GRID1: variants seen among roughly 807,000 people sequenced by gnomAD.
The protein encoded by GRID1 is glutamate receptor ionotropic, delta-1.
In GRID1, 28 loss-of-function variants were observed where a neutral mutation model predicts 98.0. The ratio of observed to expected loss-of-function variants is 0.29; its 90% CI spans 0.21 to 0.39. The LOEUF (loss-of-function observed/expected upper bound fraction) is 0.39, where lower values mean the gene tolerates loss of function less well. Among genes scored for constraint, GRID1 ranks in the 10% least tolerant of loss-of-function variants. The pLI, the probability that GRID1 is intolerant of heterozygous loss-of-function variation, is 1.00. For missense variants in GRID1, 1,111 were observed against 1,340.5 expected (o/e 0.83, Z 2.67); for synonymous variants, 553 against 538.5 (o/e 1.03, Z -0.37).
chr10:85,858,086 A>C (rs757176757), intron 6 of GRID1, among the ~76,000 whole-genome samples: 4 of 152,190 alleles, frequency 2.6e-5, no homozygotes, highest in Non-Finnish European at 5.9e-5. Context: ...GGCAGAGCTG[A>C]CTGCCTCCCC....
intron 13 of GRID1, among the ~76,000 whole-genome samples, chr10:85,641,935 T>A (rs1278253864): frequency 5.9e-5 from 9 of 152,204 alleles, no homozygotes; most frequent in African/African-American, 2.2e-4. Flanking sequence ...GGTGCAGAGC[T>A]GCAGCAGGAG....
intron 2 of GRID1, among the ~76,000 whole-genome samples, chr10:86,248,923 G>A (rs915054690): frequency 1.3e-5 from 2 of 152,142 alleles, no homozygotes; most frequent in South Asian, 2.1e-4. Flanking sequence ...AAGCAAATCA[G>A]CTCACAACAC....
intron 3 of GRID1, among the ~76,000 whole-genome samples, chr10:86,153,099 C>A (rs1039108341): frequency 6.6e-6 from 1 of 152,184 alleles, no homozygotes; most frequent in African/African-American, 2.4e-5. Context: ...CTCACTCTGC[C>A]TGAGCTCCAG....
chr10:85,963,425 C>A (rs2131850386), intron 4 of GRID1, among the ~76,000 whole-genome samples: 1 of 152,300 alleles, frequency 6.6e-6, no homozygotes, highest in Non-Finnish European at 1.5e-5. Flanking sequence ...CTCCAATGCA[C>A]TCGCCACACA....
At chr10:85,894,994 G>T (rs1244485033) in intron 5 of GRID1, among the ~76,000 whole-genome samples, 1 of 102,026 alleles carries the variant, frequency 9.8e-6, no homozygotes, top group Admixed American at 1.2e-4. Context: ...CAACAAACTG[G>T]GACTCTCAAA....
intron 4 of GRID1, among the ~76,000 whole-genome samples, chr10:86,057,483 T>C (rs539314468): frequency 1.3e-5 from 2 of 152,214 alleles, no homozygotes. Flanking sequence ...TGTTCTTAAA[T>C]AAAGATGATA....
chr10:85,857,272 C>T (rs1843120963), intron 6 of GRID1, among the ~76,000 whole-genome samples: 1 of 152,154 alleles, frequency 6.6e-6, no homozygotes, highest in Non-Finnish European at 1.5e-5. Flanking sequence ...CTCTGGAGGG[C>T]AAGGCCATGA....
chr10:85,905,920 T>C (rs1841454393), intron 5 of GRID1, among the ~76,000 whole-genome samples: 1 of 152,136 alleles, frequency 6.6e-6, no homozygotes, highest in Non-Finnish European at 1.5e-5. Flanking sequence ...TTACATTCAG[T>C]ATAAATTATC....
chr10:86,123,748 CA>C (rs368947434), intron 4 of GRID1, among the ~76,000 whole-genome samples: 261 of 152,360 alleles, frequency 1.7e-3, no homozygotes, highest in African/African-American at 5.8e-3. Context: ...AGCCCTTCCA[CA>C]AGGAGAGTCC....
intron 5 of GRID1, among the ~76,000 whole-genome samples, chr10:85,887,035 TCAGTAATCTAAGTTGATGA>T (rs1174347884): frequency 6.6e-6 from 1 of 152,218 alleles, no homozygotes; most frequent in East Asian, 1.9e-4. Context: ...AACCATGGTG[TCAGTAATCTAAGTTGATGA>T]CAGTAGAGAA....
At chr10:85,644,177 A>T (rs2132548962) in intron 13 of GRID1, 1 of 152,306 alleles carries the variant, frequency 6.6e-6, no homozygotes, top group Non-Finnish European at 1.5e-5. Flanking sequence ...ACGCATTTGG[A>T]AGAGTAGGGA....
intron 4 of GRID1, among the ~76,000 whole-genome samples, chr10:85,993,133 C>T (rs761641179): frequency 1.7e-4 from 26 of 152,120 alleles, no homozygotes; most frequent in Non-Finnish European, 3.5e-4. Context: ...AGAGGACAAC[C>T]GGTTTGAGTT....
chr10:86,209,609 G>A (rs551363410), intron 2 of GRID1, among the ~76,000 whole-genome samples: 2 of 152,186 alleles, frequency 1.3e-5, no homozygotes, highest in Admixed American at 6.5e-5. Context: ...ATGACAATAC[G>A]TGGATATTTT....
At chr10:85,733,198 A>G (rs1410005229) in intron 8 of GRID1, among the ~76,000 whole-genome samples, 2 of 152,220 alleles carry the variant, frequency 1.3e-5, no homozygotes, top group Non-Finnish European at 2.9e-5. Flanking sequence ...ATGAAATAGA[A>G]GGACCTCCAG....
chr10:85,664,371 A>G (rs113528183), intron 12 of GRID1, among the ~76,000 whole-genome samples: 1 of 152,236 alleles, frequency 6.6e-6, no homozygotes, highest in Non-Finnish European at 1.5e-5. Context: ...AGGGGCAGCA[A>G]AGATTTCTGC....
At chr10:86,114,041 G>A (rs1844533722) in intron 4 of GRID1, among the ~76,000 whole-genome samples, 1 of 152,030 alleles carries the variant, frequency 6.6e-6, no homozygotes, top group Non-Finnish European at 1.5e-5. Context: ...CTAAGCACCT[G>A]AGTCCACAGC....
chr10:85,790,798 C>T (rs780509872), intron 8 of GRID1, among the ~76,000 whole-genome samples: 12 of 152,186 alleles, frequency 7.9e-5, no homozygotes, highest in East Asian at 5.8e-4. Flanking sequence ...CTCAACCACC[C>T]GCTCCTCACA....
intron 12 of GRID1, among the ~76,000 whole-genome samples, chr10:85,660,396 ACAC>A (rs1840951857): frequency 1.3e-5 from 2 of 152,192 alleles, no homozygotes; most frequent in South Asian, 4.1e-4. Flanking sequence ...AACACCAGAT[ACAC>A]CACCATGGAA....
At chr10:85,800,903 G>T (rs560880953) in intron 8 of GRID1, among the ~76,000 whole-genome samples, 2 of 152,068 alleles carry the variant, frequency 1.3e-5, no homozygotes, top group East Asian at 3.9e-4. Flanking sequence ...GCTGGAGCCA[G>T]AATCTGGCTA....
Sources: allele counts gnomAD v4.1 joint callset (sites outside exome capture counted in the v4.1 genomes callset), GRCh38; gene constraint gnomAD v4.1.1; transcripts MANE v1.5; gene names NCBI Gene and HGNC (gene_info 2026-07-23, HGNC 2026-07-21).